PPM1L: variants seen among roughly 807,000 people sequenced by gnomAD.
PPM1L encodes the protein protein phosphatase 1L.
PPM1L carries 13 observed loss-of-function variants against 31.4 expected under a neutral mutation model. The ratio of observed to expected loss-of-function variants is 0.41; its 90% CI spans 0.27 to 0.66. PPM1L has a LOEUF of 0.66. PPM1L is among the 30% of genes least tolerant of loss of function. The pLI, the probability that PPM1L is intolerant of heterozygous loss-of-function variation, is 0.29. For missense variants in PPM1L, 326 were observed against 453.7 expected (o/e 0.72, Z 2.56); for synonymous variants, 184 against 175.4 (o/e 1.05, Z -0.39).
Position 160,756,732 on chromosome 3 carries a change from A to T in PPM1L, c.399+25A>T, listed in dbSNP as rs759526460. 1.3e-6 allele frequency: 2 copies of T among 1,574,632 alleles called. No individual in the cohort carries two copies. Among genetic ancestry groups the T allele is most frequent in the East Asian group, 4.6e-5 (2 of 43,768 alleles). The stretch of plus-strand genomic sequence containing the variant: ...GGTAGGAGCTACCCCGGGGCTTTGT[A>T]TTTGTGTCCGTGTATGTCTCGTGTG... On this transcript the variant is annotated intron_variant, in intron 1 of 3. Transcript: ENST00000498165. The surrounding 1 kb of genome is among the most constrained non-coding windows in gnomAD (Gnocchi z 6.2).
At chr3:161,035,210 T>TAA (rs63163360) in intron 2 of PPM1L, among the ~76,000 whole-genome samples, 26 of 140,014 alleles carry the variant, frequency 1.9e-4, no homozygotes, top group African/African-American at 6.3e-4. Context: ...AAAGTATAAT[T>TAA]AAAAAAAAAA....
intron 2 of PPM1L, among the ~76,000 whole-genome samples, chr3:161,049,298 A>C (rs540372675): frequency 4.0e-4 from 60 of 151,678 alleles, no homozygotes; most frequent in East Asian, 9.7e-4. Flanking sequence ...CCAAACCAAA[A>C]CAAAACAAAA....
In PPM1L at chr3:160,843,395, AT is replaced by A. The variant is rs568456700; in HGVS notation, c.399+86698del. Among the ~76,000 whole-genome samples, 349 of 74,516 alleles carry A rather than the reference AT, an allele frequency of 4.7e-3. 1 individual carries two copies. The highest frequency in any genetic ancestry group is 0.014 in the Middle Eastern group (2 of 140). The allele number at this position is 74,516 out of a possible 152,430, so 48.9% of individuals were successfully genotyped here. A position where few individuals can be genotyped will look rare whatever the true frequency, so the allele number is the denominator to read the frequency against. Reference sequence around the variant, plus strand: ...TCGTAAACTTTCTTAAAACATTATGATTTTTTTTTTGTGTGTGTATGGCAAT... The same window carrying A: ...TCGTAAACTTTCTTAAAACATTATGATTTTTTTTTGTGTGTGTATGGCAAT... On this transcript the variant is annotated intron_variant, in intron 1 of 3. Coordinates refer to ENST00000498165, the MANE Select transcript of PPM1L (RefSeq NM_139245.4).
intron 1 of PPM1L, among the ~76,000 whole-genome samples, chr3:160,804,654 C>T (rs912830762): frequency 1.1e-4 from 16 of 152,190 alleles, no homozygotes; most frequent in Non-Finnish European, 2.9e-5. Flanking sequence ...CTAAACAAAT[C>T]TATTAGGTCA....
chr3:160,880,866 C>G (rs530141906), intron 1 of PPM1L, among the ~76,000 whole-genome samples: 2 of 152,194 alleles, frequency 1.3e-5, no homozygotes, highest in East Asian at 3.9e-4. Flanking sequence ...TATTCTTTTT[C>G]CCAGTCTCTC....
At chr3:161,054,476 C>T (rs1719359733) in intron 2 of PPM1L, among the ~76,000 whole-genome samples, 2 of 152,058 alleles carry the variant, frequency 1.3e-5, no homozygotes, top group African/African-American at 4.8e-5. Flanking sequence ...TGGACGGCAC[C>T]ATTCACACTG....
chr3:161,058,851 G>C lies in PPM1L; in HGVS notation c.575-6552G>C, dbSNP rs531362767. 2.7e-4 allele frequency among the ~76,000 whole-genome samples: 41 copies of C among 152,262 alleles called. No homozygotes were observed. In the South Asian group the frequency reaches 7.5e-3, roughly 28 times the overall value. ...AACTAGGAATCTAAAAGATGTCTGA[G>C]ATACCCCAAGTTACATAACCCTCAT... is the stretch of plus-strand genomic sequence containing the variant. On this transcript the variant is annotated intron_variant, in intron 2 of 3. Transcript: ENST00000498165.
At chr3:160,891,079 A>T (rs942306021) in intron 1 of PPM1L, among the ~76,000 whole-genome samples, 3 of 152,164 alleles carry the variant, frequency 2.0e-5, no homozygotes, top group Non-Finnish European at 4.4e-5. Flanking sequence ...AGACTTCATG[A>T]TGGAAACACC....
chr3:160,972,934 A>G (rs1716402905), intron 2 of PPM1L, among the ~76,000 whole-genome samples: 1 of 151,830 alleles, frequency 6.6e-6, no homozygotes, highest in Admixed American at 6.5e-5. Flanking sequence ...TTTGATTTGC[A>G]TTTCTCTGAT....
At position 161,069,979 on chromosome 3, in the gene PPM1L, T is replaced by C. The variant is rs1353616078; in HGVS notation, c.*822T>C. 6.6e-6 allele frequency: 1 copy of C among 152,194 alleles called. No homozygotes were observed. The highest frequency in any genetic ancestry group is 1.9e-4 in the East Asian group (1 of 5,196). The allele number at this position is 152,194 out of a possible 1,614,324, so 9.4% of individuals were successfully genotyped here. On this transcript the variant is annotated 3_prime_UTR_variant, in exon 4 of 4. Transcript: ENST00000498165. The stretch of plus-strand genomic sequence containing the variant: ...CATCTTACGTGACCAAGAAACCACG[T>C]TAGGGGAAATGAAAAAAGCAAGCCA...
chr3:161,063,375 C>T (rs1217482571), intron 2 of PPM1L, among the ~76,000 whole-genome samples: 1 of 152,014 alleles, frequency 6.6e-6, no homozygotes, highest in Non-Finnish European at 1.5e-5. Flanking sequence ...CTGTGTTAAC[C>T]AACATTTCAT....
intron 1 of PPM1L, among the ~76,000 whole-genome samples, chr3:160,845,256 A>G (rs905143878): frequency 5.3e-5 from 8 of 152,208 alleles, no homozygotes; most frequent in Admixed American, 1.3e-4. Flanking sequence ...TATATATCCA[A>G]TATGTACATA....
chr3:160,795,686 T>C (rs1043924374), intron 1 of PPM1L, among the ~76,000 whole-genome samples: 16 of 152,344 alleles, frequency 1.1e-4, no homozygotes, highest in Middle Eastern at 3.4e-3. Context: ...TTTATCTTGA[T>C]ACAATATCGA....
At chr3:161,013,703 T>C (rs967252592) in intron 2 of PPM1L, among the ~76,000 whole-genome samples, 6 of 152,202 alleles carry the variant, frequency 3.9e-5, no homozygotes, top group African/African-American at 1.4e-4. Context: ...TGAATCTGGG[T>C]GCTCCTGTAT....
At chr3:161,052,104 G>A (rs1719297233) in intron 2 of PPM1L, among the ~76,000 whole-genome samples, 1 of 152,158 alleles carries the variant, frequency 6.6e-6, no homozygotes, top group African/African-American at 2.4e-5. Flanking sequence ...GGAGGCCAGC[G>A]GTTCTCAGCA....
chr3:160,876,183 C>T (rs542356497), intron 1 of PPM1L, among the ~76,000 whole-genome samples: 1 of 152,282 alleles, frequency 6.6e-6, no homozygotes, highest in South Asian at 2.1e-4. Flanking sequence ...CATGATGACA[C>T]CAACTGTTGA....
Position 160,808,320 on chromosome 3 carries a change from TGC to T in PPM1L, c.399+51615_399+51616del, listed in dbSNP as rs1553808311. 2.8e-3 allele frequency among the ~76,000 whole-genome samples: 404 copies of T among 142,346 alleles called. 5 individuals carry two copies. Among genetic ancestry groups the T allele is most frequent in the African/African-American group, 8.0e-3 (280 of 35,044 alleles). 93.4% of individuals were successfully genotyped at this position (142,346 alleles called of 152,430 possible). On this transcript the variant is annotated intron_variant, in intron 1 of 3. Coordinates refer to ENST00000498165, the MANE Select transcript of PPM1L (RefSeq NM_139245.4). ...GTGTGTGTGTGTGTGTGTGTGTGTG[TGC>T]GTGCATGTGTGGTGGGTGAGGGAAG...
intron 1 of PPM1L, among the ~76,000 whole-genome samples, chr3:160,779,291 G>A (rs1181116973): frequency 2.0e-5 from 3 of 152,144 alleles, no homozygotes; most frequent in Non-Finnish European, 2.9e-5. Flanking sequence ...GGCAGAGAAG[G>A]GGATAGAAAT....
rs536433817 is a variant in PPM1L at position 160,771,432 on chromosome 3, G to T, written c.399+14725G>T. Among the ~76,000 whole-genome samples, 93 of 151,440 alleles carry T rather than the reference G, an allele frequency of 6.1e-4. 1 individual carries two copies. In the South Asian group the frequency reaches 0.019, roughly 31 times the overall value. On this transcript the variant is annotated intron_variant, in intron 1 of 3. Coordinates refer to ENST00000498165, the MANE Select transcript of PPM1L (RefSeq NM_139245.4). The stretch of plus-strand genomic sequence containing the variant: ...TTTTATTTTATTTTTTTGTAGAAAT[G>T]GGGTTTCACCATGTTGCCTAGGCTG...
Sources: gnomAD v4.1 joint callset for allele counts (sites outside exome capture counted in the v4.1 genomes callset) on GRCh38, gnomAD v4.1.1 for gene constraint, Gnocchi (gnomAD v3.1) non-coding constraint, MANE v1.5 for transcripts, NCBI Gene and HGNC (gene_info 2026-07-23, HGNC 2026-07-21) for gene names.